The following BCAN variants were observed in gnomAD, a reference collection of about 807,000 sequenced individuals.
BCAN encodes the protein brevican core protein.
A neutral mutation model predicts 92.4 loss-of-function variants in BCAN; 51 were observed. The observed-to-expected ratio is 0.55, with a 90% CI of 0.44 to 0.70. The LOEUF (loss-of-function observed/expected upper bound fraction) is 0.70, where lower values mean the gene tolerates loss of function less well. Ranked by LOEUF, BCAN falls within the 30% of genes least tolerant of loss-of-function variation. The pLI is 0.00. For missense variants in BCAN, 1,140 were observed against 1,212.1 expected (o/e 0.94, Z 0.88); for synonymous variants, 501 against 505.2 (o/e 0.99, Z 0.11).
rs1429623508 is a variant in BCAN, at chr1:156,657,762, G to A, written c.2292+5G>A. 4 of 1,608,096 alleles carry A rather than the reference G, an allele frequency of 2.5e-6. No individual in the cohort carries two copies. The South Asian group carries it at 3.3e-5, about 13-fold the overall frequency. On this transcript the variant is annotated splice_donor_5th_base_variant and intron_variant, in intron 11 of 13. Coordinates refer to ENST00000329117, the MANE Select transcript of BCAN (RefSeq NM_021948.5). ...TGGTCGGATGGCGTCCCCCTGGTGA[G>A]AGGCCCCAGTCGAACCCCGCCGTCT...
In BCAN at chr1:156,646,806, C is replaced by T; in HGVS notation, c.97C>T (p.Arg33Cys). The change falls in exon 3 of 14, where the codon CGC becomes TGC. Residue 33 changes from arginine (R) to cysteine (C), a missense_variant. Transcript: ENST00000329117. The stretch of plus-strand genomic sequence containing the variant: ...CCGGCTCCACCCGTTCACAGAGGAC[C>T]GCGCTTTTCGCGTGCGCATCGCGGG... ...DVLEGDSSED[R>C]AFRVRIAGDA... The T allele has an allele frequency of 1.3e-6, 2 of 1,560,914 alleles. No homozygotes were observed. The highest frequency in any genetic ancestry group is 1.7e-6 in the Non-Finnish European group (2 of 1,153,546).
Position 156,658,578 on chromosome 1 carries a change from C to T in BCAN, c.2473C>T (p.Gln825Ter), listed in dbSNP as rs1679420052. 1 of 1,613,894 alleles carries T rather than the reference C, an allele frequency of 6.2e-7. No homozygotes were observed. The highest frequency in any genetic ancestry group is 1.7e-5 in the Admixed American group (1 of 60,002). The change falls in exon 13 of 14, where the codon CAA (glutamine) becomes TAA (stop). Residue 825 changes from glutamine (Q) to a stop codon, truncating the protein, a stop_gained. Transcript: ENST00000329117. LOFTEE classifies it high-confidence loss of function. The surrounding 1 kb of genome is among the most constrained non-coding windows in gnomAD (Gnocchi z 4.4). ...GCCGCCACCGGAGCTGCCCCTGGCT[C>T]AAGTGTTCGGCCGCCCACGGCTGCG... Reference protein sequence around the residue: ...CGPPPELPLAQVFGRPRLRYE... With the variant: ...CGPPPELPLA
chr1:156,649,182 G>A (rs1218154928), intron 6 of BCAN, among the ~76,000 whole-genome samples: 3 of 152,200 alleles, frequency 2.0e-5, no homozygotes, highest in Non-Finnish European at 4.4e-5. Flanking sequence ...GCAGAGCAAA[G>A]ACGACCAACA....
chr1:156,652,477 G>A lies in BCAN; in HGVS notation c.1527G>A (p.Ala509=), dbSNP rs1053513615. The stretch of plus-strand genomic sequence containing the variant: ...CCCAGGAGGAGTCACTCTCCCAGGC[G>A]CCAGCAAGGGCAGTCCTGCAGCCTG... The part of the protein sequence containing the change: ...PAAQEESLSQ[A]PARAVLQPGA... Residue 509 remains alanine, a synonymous_variant, in exon 8 of 14, where the codon GCG becomes GCA. Transcript: ENST00000329117. 7.5e-6 allele frequency: 12 copies of A among 1,605,278 alleles called. No individual in the cohort carries two copies. The highest frequency in any genetic ancestry group is 1.7e-4 in the Middle Eastern group (1 of 6,048).
intron 8 of BCAN, chr1:156,653,348 C>T: frequency 1.9e-6 from 2 of 1,040,596 alleles, no homozygotes; most frequent in Non-Finnish European, 2.3e-6. Context: ...CCCTCAACCT[C>T]CGGAGTCCAG....
intron 6 of BCAN, among the ~76,000 whole-genome samples, chr1:156,650,660 A>G (rs576751234): frequency 9.2e-5 from 14 of 152,140 alleles, no homozygotes; most frequent in Non-Finnish European, 1.8e-4. Context: ...CTATTTCAAG[A>G]ATTTTGGAGG....
chr1:156,658,377 T>C lies in BCAN; in HGVS notation c.2437+106T>C. 6.7e-7 allele frequency: 1 copy of C among 1,502,012 alleles called. No individual in the cohort carries two copies. 93.0% of individuals were successfully genotyped at this position (1,502,012 alleles called of 1,614,324 possible). On this transcript the variant is annotated intron_variant, in intron 12 of 13. Coordinates refer to ENST00000329117, the MANE Select transcript of BCAN (RefSeq NM_021948.5). This position sits in a 1 kb window ranked among gnomAD's most constrained non-coding sequence, Gnocchi z 4.4. ...GAGAGTGCAAAGCAACATAGAGGAGTCAGAACGTGTTCCAGACCATGGGAG... is the reference window on the plus strand; with the variant it reads ...GAGAGTGCAAAGCAACATAGAGGAGCCAGAACGTGTTCCAGACCATGGGAG...
chr1:156,657,621 G>A (rs570427035), intron 10 of BCAN, 54 bp from the exon 11 acceptor site: 9 of 1,487,294 alleles, frequency 6.1e-6, no homozygotes, highest in African/African-American at 1.4e-5. Flanking sequence ...CGGGAGCGGG[G>A]AACGGCCGCC....
chr1:156,656,797 A>T, intron 9 of BCAN, 141 bp from the exon 10 acceptor site: 1 of 1,170,442 alleles, frequency 8.5e-7, no homozygotes, highest in East Asian at 2.6e-5. Context: ...CTCATTCTCT[A>T]CTAGCTCTTT....
intron 1 of BCAN, chr1:156,643,633 C>CAGAGAGAGATAGAG (rs1179850412): frequency 1.1e-5 from 1 of 90,830 alleles, no homozygotes; most frequent in Non-Finnish European, 2.5e-5. Flanking sequence ...CACACACACA[C>CAGAGAGAGATAGAG]ACAGAGAGAG....
rs190980886 is a variant in BCAN at position 156,645,479 on chromosome 1, C to T, written c.-8-568C>T. On this transcript the variant is annotated intron_variant, in intron 1 of 13. Transcript: ENST00000329117. ...AGGAGAAGCTGTGCTTACTTGCGTT[C>T]GGTCTAGGAGGCCCTCCTGGAAAAG... 2.6e-4 allele frequency among the ~76,000 whole-genome samples: 39 copies of T among 152,136 alleles called. No homozygotes were observed. In the East Asian group the frequency reaches 5.2e-3, roughly 20 times the overall value.
Position 156,658,790 on chromosome 1 carries a change from G to A in BCAN, c.2628+57G>A. On this transcript the variant is annotated intron_variant, in intron 13 of 13. Coordinates refer to ENST00000329117, the MANE Select transcript of BCAN (RefSeq NM_021948.5). This position sits in a 1 kb window ranked among gnomAD's most constrained non-coding sequence, Gnocchi z 4.4. ...GAGACAGTAGCCAACAGTAGCCTTG[G>A]ACTCCACTTAAAGTCCTGCCTGTCA... 1 of 1,603,550 alleles carries A rather than the reference G, an allele frequency of 6.2e-7. No homozygotes were observed. Among genetic ancestry groups the A allele is most frequent in the Non-Finnish European group, 8.5e-7 (1 of 1,172,724 alleles).
At chr1:156,650,713 G>C (rs1679132554) in intron 6 of BCAN, among the ~76,000 whole-genome samples, 1 of 152,140 alleles carries the variant, frequency 6.6e-6, no homozygotes, top group Non-Finnish European at 1.5e-5. Context: ...CACTTTGGGA[G>C]GCCAAGACCA....
chr1:156,657,316 G>A, intron 10 of BCAN: 1 of 710,212 alleles, frequency 1.4e-6, no homozygotes, highest in Non-Finnish European at 2.2e-6. Context: ...TCGCGCAGTA[G>A]AGTGCGCCTG....
chr1:156,649,490 C>T (rs1679091889), intron 6 of BCAN, among the ~76,000 whole-genome samples: 1 of 152,166 alleles, frequency 6.6e-6, no homozygotes, highest in Non-Finnish European at 1.5e-5. Flanking sequence ...GTAGCCTCAA[C>T]CTCCCTGGGC....
rs1679163647 is a variant in BCAN, at chr1:156,651,511, C to T, written c.1119C>T (p.Ala373=). 1 of 1,614,002 alleles carries T rather than the reference C, an allele frequency of 6.2e-7. No individual in the cohort carries two copies. Residue 373 remains alanine, a synonymous_variant, in exon 7 of 14, where the codon GCC becomes GCT. Coordinates refer to ENST00000329117, the MANE Select transcript of BCAN (RefSeq NM_021948.5). ...CCTCCAACCCAGCCTCCAACCCAGC[C>T]TCTGATGGACTAGAGGCTATCGTCA... ...PEASNPASNP[A]SDGLEAIVTV...
intron 8 of BCAN, 180 bp downstream of exon 8, chr1:156,653,072 G>T: frequency 6.8e-7 from 1 of 1,476,446 alleles, no homozygotes; most frequent in South Asian, 1.4e-5. Flanking sequence ...TCCACCTTGT[G>T]GGTATCTCAG....
In BCAN at chr1:156,647,817, G is replaced by C. The variant is rs1203209524; in HGVS notation, c.641+135G>C. 1 of 1,524,850 alleles carries C rather than the reference G, an allele frequency of 6.6e-7. No homozygotes were observed. The highest frequency in any genetic ancestry group is 2.3e-5 in the East Asian group (1 of 44,202). 94.5% of individuals were successfully genotyped at this position (1,524,850 alleles called of 1,614,324 possible). On this transcript the variant is annotated intron_variant, in intron 4 of 13. Transcript: ENST00000329117. The surrounding 1 kb of genome is among the most constrained non-coding windows in gnomAD (Gnocchi z 4.8). ...CTCTGGGGGATGAGGCTGGTCTGAG[G>C]AGGGGAGGTGAGGACCCTGAGCATG...
intron 9 of BCAN, 21 bp from the exon 10 acceptor site, chr1:156,656,911 TAAGATG>T (rs748316772): frequency 6.2e-7 from 1 of 1,606,458 alleles, no homozygotes; most frequent in South Asian, 1.1e-5. Context: ...TTTGGGGCCC[TAAGATG>T]CCCGCCCTTA....
Sources: gnomAD v4.1 joint callset for allele counts (sites outside exome capture counted in the v4.1 genomes callset) on GRCh38, gnomAD v4.1.1 for gene constraint, Gnocchi (gnomAD v3.1) non-coding constraint, MANE v1.5 for transcripts, NCBI Gene and HGNC (gene_info 2026-07-23, HGNC 2026-07-21) for gene names.